Variants in ALKBH3 observed in about 807,000 individuals in gnomAD.
ALKBH3 encodes alpha-ketoglutarate-dependent dioxygenase alkB homolog 3.
Under a neutral mutation model 43.9 loss-of-function variants are expected in ALKBH3, and 51 were observed. The ratio of observed to expected loss-of-function variants is 1.16; its 90% CI spans 0.93 to 1.47. The LOEUF (loss-of-function observed/expected upper bound fraction) is 1.47. ALKBH3 is among the 40% of genes most tolerant of loss of function. The probability of loss-of-function intolerance (pLI) is 0.00; values close to 1 mark genes in which losing one functional copy is unlikely to be tolerated. For missense variants in ALKBH3, 361 were observed against 351.9 expected (o/e 1.03, Z -0.21); for synonymous variants, 102 against 115.2 (o/e 0.89, Z 0.73).
chr11:43,899,750 C>T (rs1951847600), intron 7 of ALKBH3: 1 of 247,340 alleles, frequency 4.0e-6, no homozygotes, highest in African/African-American at 2.3e-5. Flanking sequence ...TAACTCTGAT[C>T]CTACCTTAAC....
chr11:43,914,549 T>TA (rs933320863), intron 8 of ALKBH3, among the ~76,000 whole-genome samples: 6 of 143,702 alleles, frequency 4.2e-5, no homozygotes, highest in African/African-American at 1.5e-4. Flanking sequence ...GAGTTAAATC[T>TA]AAAAAATGTA....
chr11:43,897,506 A>T (rs568136984), intron 7 of ALKBH3: 1 of 757,962 alleles, frequency 1.3e-6, no homozygotes, highest in Admixed American at 1.7e-5. Flanking sequence ...ACCCCTTCAA[A>T]TTAATTATGG....
Position 43,919,817 on chromosome 11 carries a change from A to G in ALKBH3, c.769-101A>G, listed in dbSNP as rs1037959537. The G allele has an allele frequency of 1.5e-5, 17 of 1,105,396 alleles. No individual in the cohort carries two copies. The East Asian group carries it at 3.8e-4, about 25-fold the overall frequency. The allele number at this position is 1,105,396 out of a possible 1,614,324, so 68.5% of individuals were successfully genotyped here. On this transcript the variant is annotated intron_variant, in intron 9 of 9. Transcript: ENST00000302708. ...TTACTACTCATTTAAGGGGGATGAG[A>G]TGGAAATATTTCTGCATTCTCATGA...
chr11:43,915,812 T>TTAC (rs1474303300), intron 8 of ALKBH3, among the ~76,000 whole-genome samples: 4 of 152,348 alleles, frequency 2.6e-5, no homozygotes, highest in Admixed American at 1.3e-4. Flanking sequence ...AAACTCTGGA[T>TTAC]GATAGGATTA....
intron 7 of ALKBH3, among the ~76,000 whole-genome samples, chr11:43,892,483 C>A (rs35278338): frequency 0.07 from 10,664 of 152,154 alleles, 524 homozygotes; most frequent in Non-Finnish European, 0.1. Flanking sequence ...GGTCAATATG[C>A]CTTTTTCTGT....
At chr11:43,912,951 T>G (rs1229082175) in intron 8 of ALKBH3, among the ~76,000 whole-genome samples, 1 of 152,114 alleles carries the variant, frequency 6.6e-6, no homozygotes, top group Non-Finnish European at 1.5e-5. Flanking sequence ...GGTTAATACA[T>G]GGAACAGGCT....
intron 6 of ALKBH3, 151 bp from the exon 7 acceptor site, chr11:43,891,890 A>G (rs1590368905): frequency 1.6e-6 from 1 of 624,270 alleles, no homozygotes; most frequent in Non-Finnish European, 2.8e-6. Context: ...AAAGTCCCAT[A>G]TCTTCTGTGA....
intron 8 of ALKBH3, among the ~76,000 whole-genome samples, chr11:43,914,681 C>G (rs1383158295): frequency 6.6e-6 from 1 of 152,142 alleles, no homozygotes; most frequent in Non-Finnish European, 1.5e-5. Flanking sequence ...GTAGAGTTGA[C>G]TCTAAAATTT....
chr11:43,881,137 A>T lies in ALKBH3; in HGVS notation c.-113A>T, dbSNP rs973074513. 6.6e-6 allele frequency: 1 copy of T among 152,420 alleles called. No homozygotes were observed. The highest frequency in any genetic ancestry group is 2.4e-5 in the African/African-American group (1 of 41,464). The allele number at this position is 152,420 out of a possible 1,614,324, so 9.4% of individuals were successfully genotyped here. ...TAGTCTGCACCTCAACCGTGCGGAA[A>T]GTGACTGCCCTGTTTACTGAGGAAA... On this transcript the variant is annotated 5_prime_UTR_variant, in exon 1 of 10. In the 5' UTR this introduces an upstream ATG that the reference lacks. Coordinates refer to ENST00000302708, the MANE Select transcript of ALKBH3 (RefSeq NM_139178.4).
At chr11:43,895,580 G>A (rs1951813088) in intron 7 of ALKBH3, among the ~76,000 whole-genome samples, 1 of 152,176 alleles carries the variant, frequency 6.6e-6, no homozygotes, top group African/African-American at 2.4e-5. Context: ...GACATTCAAG[G>A]AGTTCCCTAA....
chr11:43,898,619 A>G, intron 7 of ALKBH3: 1 of 739,172 alleles, frequency 1.4e-6, no homozygotes, highest in Non-Finnish European at 2.5e-6. Flanking sequence ...TGCCTGGCGG[A>G]CTTGGAAGGG....
At chr11:43,907,231 G>A (rs552584528) in intron 8 of ALKBH3, among the ~76,000 whole-genome samples, 100 of 152,134 alleles carry the variant, frequency 6.6e-4, no homozygotes, top group Non-Finnish European at 1.3e-3. Context: ...GTGTGTGTGC[G>A]TGTGTGTGTT....
Position 43,901,530 on chromosome 11 carries a change from G to A in ALKBH3, c.474G>A (p.Leu158=), listed in dbSNP as rs765170107. Residue 158 remains leucine, a synonymous_variant, in exon 8 of 10, where the codon CTG becomes CTA. Transcript: ENST00000302708. Reference sequence around the variant, plus strand: ...GTGGATTGCAGTGGCACCCTGTGCTGCGCACACTAAAGAACCGCATTGAAG... The same window carrying A: ...GTGGATTGCAGTGGCACCCTGTGCTACGCACACTAAAGAACCGCATTGAAG... The part of the protein sequence containing the change: ...MEPNPHWHPV[L]RTLKNRIEEN... 1 of 1,613,560 alleles carries A rather than the reference G, an allele frequency of 6.2e-7. No individual in the cohort carries two copies.
chr11:43,909,318 C>T (rs1178764460), intron 8 of ALKBH3: 2 of 152,190 alleles, frequency 1.3e-5, no homozygotes, highest in Non-Finnish European at 2.9e-5. Flanking sequence ...ATTCTCTCTC[C>T]ATCATTTCTG....
intron 8 of ALKBH3, among the ~76,000 whole-genome samples, chr11:43,911,567 C>T (rs949888765): frequency 4.6e-5 from 7 of 152,138 alleles, no homozygotes; most frequent in East Asian, 1.9e-4. Flanking sequence ...AATAGTAAAA[C>T]GCTAATAATA....
intron 5 of ALKBH3, among the ~76,000 whole-genome samples, chr11:43,887,206 G>A (rs759079813): frequency 3.9e-5 from 6 of 152,108 alleles, no homozygotes; most frequent in Admixed American, 6.6e-5. Flanking sequence ...AGTATTTCTA[G>A]CATCAAAATA....
intron 7 of ALKBH3, chr11:43,899,480 T>A (rs1311483168): frequency 4.3e-6 from 3 of 702,930 alleles, no homozygotes; most frequent in Non-Finnish European, 8.0e-6. Context: ...GAGCCTGGAG[T>A]CCAGCCACAG....
chr11:43,890,887 A>G (rs1204670308), intron 6 of ALKBH3, among the ~76,000 whole-genome samples: 2 of 152,198 alleles, frequency 1.3e-5, no homozygotes, highest in African/African-American at 2.4e-5. Context: ...TAACTATCAT[A>G]GTATGTGCAT....
At position 43,911,189 on chromosome 11, in the gene ALKBH3, G is replaced by A. The variant is rs558074269; in HGVS notation, c.670-7849G>A. On this transcript the variant is annotated intron_variant, in intron 8 of 9. Coordinates refer to ENST00000302708, the MANE Select transcript of ALKBH3 (RefSeq NM_139178.4). ...AAAAGAGTAGGTGGTTGTAGTCATC[G>A]CAGTGGGAGACTGCTAGCTTGGACT... Among the ~76,000 whole-genome samples the A allele has an allele frequency of 7.2e-5, 11 of 152,326 alleles. No individual in the cohort carries two copies. The East Asian group carries it at 1.7e-3, about 24-fold the overall frequency.
Sources: gnomAD v4.1 joint callset for allele counts (sites outside exome capture counted in the v4.1 genomes callset) on GRCh38, gnomAD v4.1.1 for gene constraint, MANE v1.5 for transcripts, NCBI Gene and HGNC (gene_info 2026-07-23, HGNC 2026-07-21) for gene names.